Variants in RFX3 observed in about 807,000 individuals in gnomAD.
RFX3 encodes the protein transcription factor RFX3.
In RFX3, 14 loss-of-function variants were observed where a neutral mutation model predicts 98.6. The observed-to-expected ratio is 0.14, with a 90% CI of 0.09 to 0.22. RFX3 has a LOEUF of 0.22. RFX3 is among the 10% of genes least tolerant of loss of function. RFX3 has a pLI of 1.00. For missense variants in RFX3, 639 were observed against 926.9 expected (o/e 0.69, Z 4.03); for synonymous variants, 383 against 328.4 (o/e 1.17, Z -1.80).
intron 1 of RFX3, among the ~76,000 whole-genome samples, chr9:3,440,190 G>A (rs956793386): frequency 5.3e-5 from 8 of 151,894 alleles, no homozygotes; most frequent in African/African-American, 9.7e-5. Flanking sequence ...CTCTATGATC[G>A]GGAACAAGAC....
chr9:3,519,985 C>A (rs1818545853), intron 1 of RFX3, among the ~76,000 whole-genome samples: 1 of 152,072 alleles, frequency 6.6e-6, no homozygotes, highest in South Asian at 2.1e-4. Flanking sequence ...TGGCAACAGC[C>A]TGTAGTCCTA....
intron 7 of RFX3, among the ~76,000 whole-genome samples, chr9:3,283,290 CTAA>C: frequency 6.6e-6 from 1 of 151,612 alleles, no homozygotes. Flanking sequence ...AATAATGATC[CTAA>C]TAATAATTAT....
chr9:3,525,937 AGAG>A lies in RFX3; in HGVS notation c.-202_-200del. ...GCTATAACTCACAAAAGAGAGAGAG[AGAG>A]GGAGAGAGAGAGAGAGCGAGAGGGA... On this transcript the variant is annotated 5_prime_UTR_variant, in exon 1 of 17. Coordinates refer to ENST00000617270, the MANE Select transcript of RFX3 (RefSeq NM_001282116.2). 1 of 910,028 alleles carries A rather than the reference AGAG, an allele frequency of 1.1e-6. No individual in the cohort carries two copies. The highest frequency in any genetic ancestry group is 1.3e-6 in the Non-Finnish European group (1 of 769,552). 56.4% of individuals were successfully genotyped at this position (910,028 alleles called of 1,614,324 possible).
rs762685632 is a variant in RFX3 at position 3,356,975 on chromosome 9, A to C, written c.118-10211T>G. ...CACATACACACATGCACACACACGC[A>C]CACACACACACACACACACACACTC... On this transcript the variant is annotated intron_variant, in intron 2 of 16. Coordinates refer to ENST00000617270, the MANE Select transcript of RFX3 (RefSeq NM_001282116.2). 2.2e-4 allele frequency among the ~76,000 whole-genome samples: 31 copies of C among 139,872 alleles called. No individual in the cohort carries two copies. In the South Asian group the frequency reaches 6.7e-3, roughly 30 times the overall value. 91.8% of individuals were successfully genotyped at this position (139,872 alleles called of 152,430 possible).
chr9:3,288,321 T>A, intron 6 of RFX3, 71 bp from the exon 7 acceptor site: 1 of 1,443,052 alleles, frequency 6.9e-7, no homozygotes, highest in Non-Finnish European at 9.7e-7. Context: ...GGGATGTCCA[T>A]TAAACTTCAC....
chr9:3,482,202 A>T (rs1247933124), intron 1 of RFX3, among the ~76,000 whole-genome samples: 1 of 151,846 alleles, frequency 6.6e-6, no homozygotes, highest in African/African-American at 2.4e-5. Flanking sequence ...ATTACCATTA[A>T]AAGATGTTCA....
At chr9:3,470,366 G>C (rs978094363) in intron 1 of RFX3, among the ~76,000 whole-genome samples, 5 of 149,890 alleles carry the variant, frequency 3.3e-5, no homozygotes, top group Non-Finnish European at 7.4e-5. Context: ...CCAGGCTGGA[G>C]TGCAGTGGTG....
At chr9:3,451,119 A>C (rs1248109052) in intron 1 of RFX3, among the ~76,000 whole-genome samples, 1 of 152,208 alleles carries the variant, frequency 6.6e-6, no homozygotes, top group Non-Finnish European at 1.5e-5. Flanking sequence ...ACAATGATGA[A>C]AGTGTGTTAA....
At chr9:3,270,178 A>C (rs1223453111) in intron 11 of RFX3, among the ~76,000 whole-genome samples, 193 bp downstream of exon 11, 1 of 151,854 alleles carries the variant, frequency 6.6e-6, no homozygotes, top group Non-Finnish European at 1.5e-5. Flanking sequence ...AAGACTGAAA[A>C]ATAGATCATC....
At chr9:3,235,303 C>G (rs72697070) in intron 15 of RFX3, among the ~76,000 whole-genome samples, 19,285 of 152,002 alleles carry the variant, frequency 0.13, 1,551 homozygotes, top group African/African-American at 0.23. Flanking sequence ...CGGCTTTCAG[C>G]GTGGGTCATC....
At chr9:3,376,194 A>G (rs1041621543) in intron 2 of RFX3, among the ~76,000 whole-genome samples, 1 of 152,210 alleles carries the variant, frequency 6.6e-6, no homozygotes, top group African/African-American at 2.4e-5. Context: ...ACCAAGTTTG[A>G]CAAAGATGTC....
At chr9:3,500,710 C>G (rs911055709) in intron 1 of RFX3, among the ~76,000 whole-genome samples, 1 of 152,124 alleles carries the variant, frequency 6.6e-6, no homozygotes, top group African/African-American at 2.4e-5. Context: ...ATCATTCAAA[C>G]ACACGCACTA....
At chr9:3,392,137 T>C (rs930949595) in intron 2 of RFX3, among the ~76,000 whole-genome samples, 3 of 152,162 alleles carry the variant, frequency 2.0e-5, no homozygotes, top group African/African-American at 7.2e-5. Flanking sequence ...GACCCCATTT[T>C]GAAGTCAACA....
intron 1 of RFX3, among the ~76,000 whole-genome samples, chr9:3,511,753 T>C (rs987994344): frequency 6.6e-6 from 1 of 152,060 alleles, no homozygotes; most frequent in Non-Finnish European, 1.5e-5. Flanking sequence ...TTTCTTCAAA[T>C]ATGGGCTACT....
chr9:3,470,118 T>A (rs939616542), intron 1 of RFX3, among the ~76,000 whole-genome samples: 13 of 152,144 alleles, frequency 8.5e-5, no homozygotes, highest in African/African-American at 3.1e-4. Flanking sequence ...CAGTCAGGTT[T>A]AAGTATAGAC....
chr9:3,451,269 G>A (rs1846601255), intron 1 of RFX3, among the ~76,000 whole-genome samples: 1 of 152,264 alleles, frequency 6.6e-6, no homozygotes, highest in African/African-American at 2.4e-5. Context: ...ACTGAGGCTG[G>A]GCACAGGGAC....
At chr9:3,470,934 C>CT (rs1848721468) in intron 1 of RFX3, among the ~76,000 whole-genome samples, 1 of 152,132 alleles carries the variant, frequency 6.6e-6, no homozygotes, top group African/African-American at 2.4e-5. Flanking sequence ...TAAAAAATCT[C>CT]TGGCTATTTC....
Position 3,219,504 on chromosome 9 carries a change from T to C in RFX3, c.*5538A>G, listed in dbSNP as rs1817235199. On this transcript the variant is annotated 3_prime_UTR_variant, in exon 17 of 17. Coordinates refer to ENST00000617270, the MANE Select transcript of RFX3 (RefSeq NM_001282116.2). ...GAAAAAGAATCAAACCAGAACCAAA[T>C]AAAAGAAGAGACAAAACACATTTTT... 6.8e-6 allele frequency: 1 copy of C among 147,982 alleles called. No individual in the cohort carries two copies. 9.2% of individuals were successfully genotyped at this position (147,982 alleles called of 1,614,324 possible). A position where few individuals can be genotyped will look rare whatever the true frequency, so the allele number is the denominator to read the frequency against.
chr9:3,467,943 T>C (rs902589621), intron 1 of RFX3, among the ~76,000 whole-genome samples: 2 of 152,188 alleles, frequency 1.3e-5, no homozygotes, highest in Admixed American at 6.5e-5. Flanking sequence ...CTTGCAACCA[T>C]GGCTTCTGGG....
Sources: allele counts gnomAD v4.1 joint callset (sites outside exome capture counted in the v4.1 genomes callset), GRCh38; gene constraint gnomAD v4.1.1; transcripts MANE v1.5; gene names NCBI Gene and HGNC (gene_info 2026-07-23, HGNC 2026-07-21).